The following PKNOX2 variants were observed in gnomAD, a reference collection of about 807,000 sequenced individuals.
PKNOX2 encodes homeobox protein PKNOX2.
Under a neutral mutation model 53.1 loss-of-function variants are expected in PKNOX2, and 14 were observed. The ratio of observed to expected loss-of-function variants is 0.26; its 90% CI spans 0.17 to 0.41. The LOEUF (loss-of-function observed/expected upper bound fraction) is 0.41, where lower values mean the gene tolerates loss of function less well. Among genes scored for constraint, PKNOX2 ranks in the 10% least tolerant of loss-of-function variants. The probability of loss-of-function intolerance (pLI) is 1.00; values close to 1 mark genes in which losing one functional copy is unlikely to be tolerated. For missense variants in PKNOX2, 496 were observed against 602.8 expected, an observed-to-expected ratio of 0.82 and a Z score of 1.85; for synonymous variants, 257 against 242.8, an observed-to-expected ratio of 1.06 and a Z score of -0.54.
chr11:125,184,290 G>T (rs1956326815), intron 1 of PKNOX2: 1 of 152,198 alleles, frequency 6.6e-6, no homozygotes. Flanking sequence ...GGATGGTGTG[G>T]CAGACCCTTG....
In PKNOX2 at chr11:125,165,837, G is replaced by A. The variant is rs1296492693; in HGVS notation, c.-201+1061G>A. Among the ~76,000 whole-genome samples, 1 of 152,228 alleles carries A rather than the reference G, an allele frequency of 6.6e-6. No individual in the cohort carries two copies. Among genetic ancestry groups the A allele is most frequent in the Non-Finnish European group, 1.5e-5 (1 of 68,040 alleles). ...CGATCGAGAGCGGAGAGCTGAGGGG[G>A]ATGGCGCAGGATCCCGAATCTGCCG... On this transcript the variant is annotated intron_variant, in intron 1 of 12. Transcript: ENST00000298282. The surrounding 1 kb of genome is among the most constrained non-coding windows in gnomAD (Gnocchi z 4.5).
intron 1 of PKNOX2, among the ~76,000 whole-genome samples, chr11:125,198,736 C>T (rs1938054052): frequency 1.4e-5 from 2 of 143,986 alleles, no homozygotes; most frequent in African/African-American, 4.9e-5. Flanking sequence ...TTGCCACCTG[C>T]TTCTCCTCTG....
At chr11:125,189,490 T>TATATAC (rs1956735138) in intron 1 of PKNOX2, among the ~76,000 whole-genome samples, 2 of 113,858 alleles carry the variant, frequency 1.8e-5, no homozygotes, top group Non-Finnish European at 3.6e-5. Context: ...TATATATATA[T>TATATAC]ACAAAAGCAA....
At chr11:125,428,372 T>C (rs1404053044) in intron 10 of PKNOX2, among the ~76,000 whole-genome samples, 1 of 152,148 alleles carries the variant, frequency 6.6e-6, no homozygotes, top group Non-Finnish European at 1.5e-5. Context: ...TTCCATCTCT[T>C]CATCTGCAAA....
intron 2 of PKNOX2, among the ~76,000 whole-genome samples, chr11:125,251,648 G>A (rs1315680535): frequency 6.6e-6 from 1 of 151,774 alleles, no homozygotes; most frequent in Non-Finnish European, 1.5e-5. Flanking sequence ...GAGGGGAAGG[G>A]GCAGTTGATT....
chr11:125,423,296 G>A (rs1020313936), intron 10 of PKNOX2, among the ~76,000 whole-genome samples: 5 of 152,158 alleles, frequency 3.3e-5, no homozygotes, highest in South Asian at 2.1e-4. Context: ...CTGCCTCCAC[G>A]TCTTCTTTAG....
In PKNOX2 at chr11:125,341,916, GC is replaced by G. The variant is rs201001974; in HGVS notation, c.-22-9365del. ...TCAGGAACACAGAGCCAGTGTACCC[GC>G]CCTCCTTCCAAGGGGGTGGTGAGGA... On this transcript the variant is annotated intron_variant, in intron 3 of 12. Transcript: ENST00000298282. Among the ~76,000 whole-genome samples, 1,256 of 152,316 alleles carry G rather than the reference GC, an allele frequency of 8.2e-3. 17 individuals are homozygous for G. The highest frequency in any genetic ancestry group is 0.027 in the African/African-American group (1,143 of 41,586).
intron 7 of PKNOX2, among the ~76,000 whole-genome samples, chr11:125,406,131 G>A (rs1955079163): frequency 6.6e-6 from 1 of 152,222 alleles, no homozygotes; most frequent in South Asian, 2.1e-4. Flanking sequence ...GATAAGCCCT[G>A]AGGGGAAGCT....
chr11:125,285,652 A>G (rs1946848978), intron 2 of PKNOX2, among the ~76,000 whole-genome samples: 1 of 152,246 alleles, frequency 6.6e-6, no homozygotes, highest in South Asian at 2.1e-4. Context: ...CTGCAGCTAG[A>G]TTCTATGCAG....
At chr11:125,255,450 G>T (rs1944338974) in intron 2 of PKNOX2, among the ~76,000 whole-genome samples, 1 of 152,144 alleles carries the variant, frequency 6.6e-6, no homozygotes, top group Admixed American at 6.5e-5. Context: ...CCTTGACCCT[G>T]GCTCTTATGG....
At chr11:125,404,937 G>A (rs1332644101) in intron 7 of PKNOX2, among the ~76,000 whole-genome samples, 1 of 152,198 alleles carries the variant, frequency 6.6e-6, no homozygotes, top group African/African-American at 2.4e-5. Context: ...GCAGAAAGGA[G>A]ACATTCAGAA....
chr11:125,428,290 A>T (rs922083698), intron 10 of PKNOX2, among the ~76,000 whole-genome samples: 1 of 152,136 alleles, frequency 6.6e-6, no homozygotes, highest in African/African-American at 2.4e-5. Context: ...TCATGAAGCA[A>T]TGGAAGAAAG....
At chr11:125,169,705 A>T (rs1232966894) in intron 1 of PKNOX2, among the ~76,000 whole-genome samples, 3 of 152,224 alleles carry the variant, frequency 2.0e-5, no homozygotes, top group African/African-American at 7.2e-5. Flanking sequence ...AGTAAAAAAA[A>T]TGGGAGATAG....
intron 4 of PKNOX2, among the ~76,000 whole-genome samples, chr11:125,361,801 G>A (rs1951939859): frequency 6.6e-6 from 1 of 152,212 alleles, no homozygotes; most frequent in African/African-American, 2.4e-5. Context: ...AAGTCTGAAG[G>A]GAAGTTGGCA....
chr11:125,185,868 GTTCTTTT>G (rs1956417293), intron 1 of PKNOX2, among the ~76,000 whole-genome samples: 1 of 152,070 alleles, frequency 6.6e-6, no homozygotes, highest in South Asian at 2.1e-4. Flanking sequence ...CCTGTTTTCA[GTTCTTTT>G]GGACATATAC....
chr11:125,194,722 C>T (rs562074466), intron 1 of PKNOX2, among the ~76,000 whole-genome samples: 11 of 152,264 alleles, frequency 7.2e-5, no homozygotes, highest in South Asian at 2.1e-4. Context: ...TATTTTGCCA[C>T]GAATGTAAAA....
At chr11:125,234,335 G>A (rs1470655576) in intron 1 of PKNOX2, among the ~76,000 whole-genome samples, 9 of 152,158 alleles carry the variant, frequency 5.9e-5, no homozygotes, top group Admixed American at 4.6e-4. Flanking sequence ...TTTATAACAG[G>A]ACAGCATGTG....
intron 5 of PKNOX2, among the ~76,000 whole-genome samples, chr11:125,383,337 T>C (rs1953383212): frequency 6.6e-6 from 1 of 150,900 alleles, no homozygotes; most frequent in Admixed American, 6.6e-5. Flanking sequence ...CGGTAGGACG[T>C]GGTGGCTCAC....
At chr11:125,218,333 GC>G (rs1940764917) in intron 1 of PKNOX2, among the ~76,000 whole-genome samples, 1 of 151,320 alleles carries the variant, frequency 6.6e-6, no homozygotes, top group Non-Finnish European at 1.5e-5. Flanking sequence ...TGGGGGCTCG[GC>G]CATGTAAAAA....
Sources: allele counts gnomAD v4.1 joint callset (sites outside exome capture counted in the v4.1 genomes callset), GRCh38; gene constraint gnomAD v4.1.1; non-coding constraint Gnocchi (gnomAD v3.1); transcripts MANE v1.5; gene names NCBI Gene and HGNC (gene_info 2026-07-23, HGNC 2026-07-21).